Variants in SMAD2 observed in about 807,000 individuals in gnomAD.
SMAD2 encodes the protein SMAD family member 2.
In SMAD2, 8 loss-of-function variants were observed where a neutral mutation model predicts 64.4. The ratio of observed to expected loss-of-function variants is 0.12; its 90% CI spans 0.07 to 0.22. The LOEUF is 0.22. SMAD2 is among the 10% of genes least tolerant of loss of function. The pLI is 1.00. For missense variants in SMAD2, 289 were observed against 561.2 expected (o/e 0.51, Z 4.90); for synonymous variants, 203 against 195.8 (o/e 1.04, Z -0.31).
At chr18:47,877,800 G>T (rs898372131) in intron 2 of SMAD2, among the ~76,000 whole-genome samples, 7 of 151,942 alleles carry the variant, frequency 4.6e-5, no homozygotes, top group African/African-American at 1.7e-4. Flanking sequence ...TGTATCTCTT[G>T]AAAATTTGAG....
chr18:47,823,081 G>A lies in SMAD2; in HGVS notation c.*18746C>T, dbSNP rs978264441. ...CAGGATACAATTGGAAACACTGGTTGTATTACCAAGGCTTTGATTAAAATG... is the reference window on the plus strand; with the variant it reads ...CAGGATACAATTGGAAACACTGGTTATATTACCAAGGCTTTGATTAAAATG... On this transcript the variant is annotated 3_prime_UTR_variant, in exon 11 of 11. Coordinates refer to ENST00000262160, the MANE Select transcript of SMAD2 (RefSeq NM_005901.6). 1.3e-5 allele frequency: 2 copies of A among 152,196 alleles called. No homozygotes were observed. The highest frequency in any genetic ancestry group is 2.9e-5 in the Non-Finnish European group (2 of 68,034). 9.4% of individuals were successfully genotyped at this position (152,196 alleles called of 1,614,324 possible).
rs574223246 is a variant in SMAD2 at position 47,838,866 on chromosome 18, G to A, written c.*2961C>T. On this transcript the variant is annotated 3_prime_UTR_variant, in exon 11 of 11. Transcript: ENST00000262160. Reference sequence around the variant, plus strand: ...AATGTGATAGAAAGCATGGCCATTCGGTTCTCAGGTCATCATTCCTAGAAA... The same window carrying A: ...AATGTGATAGAAAGCATGGCCATTCAGTTCTCAGGTCATCATTCCTAGAAA... 17 of 232,648 alleles carry A rather than the reference G, an allele frequency of 7.3e-5. No individual in the cohort carries two copies. In the South Asian group the frequency reaches 1.8e-3, roughly 25 times the overall value. 14.4% of individuals were successfully genotyped at this position (232,648 alleles called of 1,614,324 possible).
At chr18:47,865,005 A>G in intron 6 of SMAD2, 54 bp downstream of exon 6, 1 of 1,030,022 alleles carries the variant, frequency 9.7e-7, no homozygotes, top group Non-Finnish European at 1.5e-6. Flanking sequence ...ATTTCAAACA[A>G]TACAAGAAAT....
intron 1 of SMAD2, among the ~76,000 whole-genome samples, chr18:47,910,562 T>A (rs2034087946): frequency 6.6e-6 from 1 of 152,168 alleles, no homozygotes; most frequent in African/African-American, 2.4e-5. Flanking sequence ...TTTCATAAAG[T>A]TACACTGAAT....
rs747866189 is a variant in SMAD2 at position 47,845,437 on chromosome 18, C to A, written c.1183G>T (p.Ala395Ser). ...TCAAAACCCTGATTAACAGACTGAG[C>A]CAGAAGAGCAGCAAATTCCTGGTTG... is the stretch of plus-strand genomic sequence containing the variant. Reference protein sequence around the residue: ...FNNQEFAALLAQSVNQGFEAV... With the variant: ...FNNQEFAALLSQSVNQGFEAV... The change falls in exon 10 of 11, where the codon GCT becomes TCT. Residue 395 changes from alanine to serine, a missense_variant. This residue lies in a region of SMAD2 where 49 missense variants were observed against 101.1 expected (regional missense o/e 0.48). Coordinates refer to ENST00000262160, the MANE Select transcript of SMAD2 (RefSeq NM_005901.6). The A allele has an allele frequency of 1.2e-6, 2 of 1,613,258 alleles. No individual in the cohort carries two copies. Among genetic ancestry groups the A allele is most frequent in the Non-Finnish European group, 1.7e-6 (2 of 1,179,468 alleles).
chr18:47,852,157 C>T (rs1285231241), intron 6 of SMAD2, among the ~76,000 whole-genome samples: 1 of 152,112 alleles, frequency 6.6e-6, no homozygotes, highest in African/African-American at 2.4e-5. Context: ...CATTTTCTTA[C>T]TGATTGTTTG....
chr18:47,840,439 T>G lies in SMAD2; in HGVS notation c.*1388A>C, dbSNP rs1357619223. On this transcript the variant is annotated 3_prime_UTR_variant, in exon 11 of 11. Coordinates refer to ENST00000262160, the MANE Select transcript of SMAD2 (RefSeq NM_005901.6). ...CCTCTCACTACAGAGCATGAAATAT[T>G]GTCAATCACAAAACCAGGATCAGTT... 4.3e-5 allele frequency: 10 copies of G among 232,768 alleles called. No individual in the cohort carries two copies. Among genetic ancestry groups the G allele is most frequent in the African/African-American group, 2.2e-4 (10 of 45,334 alleles). 14.4% of individuals were successfully genotyped at this position (232,768 alleles called of 1,614,324 possible).
At chr18:47,930,187 CT>C in intron 1 of SMAD2, 173 bp downstream of exon 1, 1 of 152,514 alleles carries the variant, frequency 6.6e-6, no homozygotes, top group Non-Finnish European at 1.5e-5. Flanking sequence ...AGCCCCGTCC[CT>C]TCCCGGCTCT....
rs1160978103 is a variant in SMAD2, at chr18:47,821,454, T to C, written c.*20373A>G. The C allele has an allele frequency of 6.6e-6, 1 of 152,232 alleles. No homozygotes were observed. Among genetic ancestry groups the C allele is most frequent in the Non-Finnish European group, 1.5e-5 (1 of 68,020 alleles). 9.4% of individuals were successfully genotyped at this position (152,232 alleles called of 1,614,324 possible). A position where few individuals can be genotyped will look rare whatever the true frequency, so the allele number is the denominator to read the frequency against. ...CTTGATTCTGAATTCTTGGCTCTTC[T>C]CATGTTTGAATTGTTCCACGCAAGC... On this transcript the variant is annotated 3_prime_UTR_variant, in exon 11 of 11. Transcript: ENST00000262160.
chr18:47,853,927 A>C (rs1423401529), intron 6 of SMAD2, among the ~76,000 whole-genome samples: 1 of 152,192 alleles, frequency 6.6e-6, no homozygotes, highest in Non-Finnish European at 1.5e-5. Context: ...CCAACTATTC[A>C]TATCTTTTAA....
chr18:47,879,545 C>G lies in SMAD2; in HGVS notation c.237-8981G>C, dbSNP rs2032467485. 3.9e-5 allele frequency among the ~76,000 whole-genome samples: 5 copies of G among 128,234 alleles called. No individual in the cohort carries two copies. The South Asian group carries it at 1.5e-3, about 40-fold the overall frequency. 84.1% of individuals were successfully genotyped at this position (128,234 alleles called of 152,430 possible). A position where few individuals can be genotyped will look rare whatever the true frequency, so the allele number is the denominator to read the frequency against. On this transcript the variant is annotated intron_variant, in intron 2 of 10. Transcript: ENST00000262160. ...GTGTGTGTGGAGTCGTTTTCCATTACTTGAACAAGCATGATTTATTTAGTC... is the reference window on the plus strand; with the variant it reads ...GTGTGTGTGGAGTCGTTTTCCATTAGTTGAACAAGCATGATTTATTTAGTC...
chr18:47,894,156 C>A (rs1208478671), intron 2 of SMAD2, among the ~76,000 whole-genome samples: 1 of 152,188 alleles, frequency 6.6e-6, no homozygotes, highest in Non-Finnish European at 1.5e-5. Context: ...TAGACTCTCT[C>A]AGGCTCTGCT....
intron 2 of SMAD2, among the ~76,000 whole-genome samples, chr18:47,874,783 T>A (rs2032163735): frequency 1.3e-5 from 2 of 152,032 alleles, no homozygotes; most frequent in Non-Finnish European, 2.9e-5. Context: ...AGGTGCAGAG[T>A]GGGAAGGGAG....
In SMAD2 at chr18:47,828,266, G is replaced by C. The variant is rs938858396; in HGVS notation, c.*13561C>G. On this transcript the variant is annotated 3_prime_UTR_variant, in exon 11 of 11. Transcript: ENST00000262160. Reference sequence around the variant, plus strand: ...CTGCTCGGCCAGCCGCCCCGTCCGGGAGGTGGGGGGCAACCCCCGCCCGGC... The same window carrying C: ...CTGCTCGGCCAGCCGCCCCGTCCGGCAGGTGGGGGGCAACCCCCGCCCGGC... The C allele has an allele frequency of 3.9e-5, 6 of 154,652 alleles. No individual in the cohort carries two copies. Among genetic ancestry groups the C allele is most frequent in the African/African-American group, 1.2e-4 (5 of 41,268 alleles). The allele number at this position is 154,652 out of a possible 1,614,324, so 9.6% of individuals were successfully genotyped here.
chr18:47,856,367 T>C (rs2030683501), intron 6 of SMAD2, among the ~76,000 whole-genome samples: 1 of 152,098 alleles, frequency 6.6e-6, no homozygotes, highest in African/African-American at 2.4e-5. Context: ...AAAAGGTGAC[T>C]ATGTGAGATG....
At chr18:47,879,493 G>GACGT (rs1457765582) in intron 2 of SMAD2, among the ~76,000 whole-genome samples, 1 of 62,654 alleles carries the variant, frequency 1.6e-5, no homozygotes, top group Non-Finnish European at 3.3e-5. Context: ...TAATGTATAT[G>GACGT]ACGTGTGTGT....
chr18:47,890,759 C>T (rs1460713534), intron 2 of SMAD2, among the ~76,000 whole-genome samples: 2 of 152,156 alleles, frequency 1.3e-5, no homozygotes, highest in African/African-American at 4.8e-5. Flanking sequence ...ACGATACAGA[C>T]AGACACACGC....
At chr18:47,919,514 ACACAC>A (rs1568116965) in intron 1 of SMAD2, among the ~76,000 whole-genome samples, 26 of 139,460 alleles carry the variant, frequency 1.9e-4, no homozygotes, top group Middle Eastern at 3.6e-3. Context: ...ACACACACAC[ACACAC>A]AAAGAATAGG....
chr18:47,865,255 T>C, intron 5 of SMAD2, 122 bp from the exon 6 acceptor site: 1 of 635,174 alleles, frequency 1.6e-6, no homozygotes, highest in Non-Finnish European at 2.8e-6. Context: ...TATAATATTA[T>C]AAAAAGTAAT....
Sources: gnomAD v4.1 joint callset for allele counts (sites outside exome capture counted in the v4.1 genomes callset) on GRCh38, gnomAD v4.1.1 for gene constraint, gnomAD v4.1.1 regional missense constraint, MANE v1.5 for transcripts, NCBI Gene and HGNC (gene_info 2026-07-23, HGNC 2026-07-21) for gene names.